The following GRIK2 variants were observed in gnomAD, a reference collection of about 807,000 sequenced individuals.
The protein encoded by GRIK2 is glutamate receptor ionotropic, kainate 2.
A neutral mutation model predicts 100.3 loss-of-function variants in GRIK2; 32 were observed. The observed-to-expected ratio is 0.32, with a 90% confidence interval of 0.24 to 0.43. The LOEUF (loss-of-function observed/expected upper bound fraction) is 0.43, where lower values mean the gene tolerates loss of function less well. Ranked by LOEUF, GRIK2 falls within the 20% of genes least tolerant of loss-of-function variation. The pLI is 1.00. For missense variants in GRIK2, 843 were observed against 1,114.9 expected (o/e 0.76, Z 3.47); for synonymous variants, 417 against 389.4 (o/e 1.07, Z -0.83).
chr6:101,498,503 A>G (rs1169949770), intron 2 of GRIK2, among the ~76,000 whole-genome samples: 2 of 150,172 alleles, frequency 1.3e-5, no homozygotes, highest in East Asian at 2.0e-4. Context: ...AAGTGTTCCT[A>G]TTTCTCCACA....
intron 14 of GRIK2, among the ~76,000 whole-genome samples, chr6:102,016,524 T>TATA (rs530936926): frequency 1.4e-5 from 2 of 146,800 alleles, no homozygotes; most frequent in Non-Finnish European, 3.0e-5. Flanking sequence ...AAACTTAAAG[T>TATA]ATAATAATAA....
intron 15 of GRIK2, among the ~76,000 whole-genome samples, chr6:102,046,611 CTA>C (rs1394816303): frequency 1.3e-5 from 2 of 152,154 alleles, no homozygotes; most frequent in Non-Finnish European, 2.9e-5. Flanking sequence ...GCCTTCAGAA[CTA>C]TGAGTCAATT....
intron 2 of GRIK2, among the ~76,000 whole-genome samples, chr6:101,571,873 A>G (rs1777551745): frequency 6.6e-6 from 1 of 152,172 alleles, no homozygotes; most frequent in South Asian, 2.1e-4. Flanking sequence ...ACCATGCAGA[A>G]CATATCTGTA....
At chr6:101,948,158 TA>T (rs1267881238) in intron 14 of GRIK2, among the ~76,000 whole-genome samples, 1 of 152,116 alleles carries the variant, frequency 6.6e-6, no homozygotes, top group Non-Finnish European at 1.5e-5. Context: ...ACATTATTTT[TA>T]AATACAAGAA....
chr6:101,477,305 G>A (rs1169314095), intron 2 of GRIK2, among the ~76,000 whole-genome samples: 1 of 152,164 alleles, frequency 6.6e-6, no homozygotes, highest in African/African-American at 2.4e-5. Flanking sequence ...GTATGTTGGT[G>A]TTAGGGAGAA....
chr6:101,450,054 C>T (rs1770590025), intron 2 of GRIK2, among the ~76,000 whole-genome samples: 1 of 151,692 alleles, frequency 6.6e-6, no homozygotes, highest in African/African-American at 2.4e-5. Flanking sequence ...ACATTGACTA[C>T]TTGACTCCAA....
chr6:101,985,281 A>G (rs991679314), intron 14 of GRIK2, among the ~76,000 whole-genome samples: 10 of 151,898 alleles, frequency 6.6e-5, no homozygotes, highest in African/African-American at 1.9e-4. Context: ...ATGCTGTTAC[A>G]TCATTAAAGG....
intron 2 of GRIK2, among the ~76,000 whole-genome samples, chr6:101,596,444 T>G (rs1016091261): frequency 6.6e-6 from 1 of 151,648 alleles, no homozygotes; most frequent in Non-Finnish European, 1.5e-5. Flanking sequence ...TCCTGTGAGA[T>G]CACAACAACT....
intron 2 of GRIK2, among the ~76,000 whole-genome samples, chr6:101,449,571 TGAA>T (rs1281608642): frequency 6.6e-6 from 1 of 151,754 alleles, no homozygotes; most frequent in Non-Finnish European, 1.5e-5. Flanking sequence ...TTAGGTTTGA[TGAA>T]GAAGTGGATA....
intron 2 of GRIK2, among the ~76,000 whole-genome samples, chr6:101,462,770 C>T (rs1771398740): frequency 6.6e-6 from 1 of 152,148 alleles, no homozygotes; most frequent in Non-Finnish European, 1.5e-5. Flanking sequence ...ACATTCAGCC[C>T]TGATTGCTCA....
At chr6:101,704,585 T>C (rs1280798370) in intron 7 of GRIK2, among the ~76,000 whole-genome samples, 1 of 151,794 alleles carries the variant, frequency 6.6e-6, no homozygotes, top group Admixed American at 6.6e-5. Flanking sequence ...TATTTAGACT[T>C]ATTTGTTTAA....
intron 2 of GRIK2, among the ~76,000 whole-genome samples, chr6:101,424,827 T>G (rs1380405660): frequency 6.6e-6 from 1 of 151,924 alleles, no homozygotes; most frequent in African/African-American, 2.4e-5. Flanking sequence ...TTTGGTTTTT[T>G]GTCCTTGCGA....
At chr6:101,794,847 G>A (rs529954438) in intron 7 of GRIK2, among the ~76,000 whole-genome samples, 6 of 149,846 alleles carry the variant, frequency 4.0e-5, no homozygotes, top group African/African-American at 1.5e-4. Flanking sequence ...CACATTTTGT[G>A]TAATAGTTGC....
At chr6:101,895,740 CCATAA>C (rs1221204705) in intron 12 of GRIK2, among the ~76,000 whole-genome samples, 3 of 151,708 alleles carry the variant, frequency 2.0e-5, no homozygotes, top group Non-Finnish European at 4.4e-5. Context: ...TTTTAACTTT[CCATAA>C]CATAACTTTA....
chr6:102,000,724 AC>A (rs1378491836), intron 14 of GRIK2, among the ~76,000 whole-genome samples: 4 of 152,118 alleles, frequency 2.6e-5, no homozygotes, highest in African/African-American at 9.7e-5. Flanking sequence ...TGTAAAATCT[AC>A]AATGGTGTCA....
At chr6:101,778,243 T>G (rs1562378041) in intron 7 of GRIK2, among the ~76,000 whole-genome samples, 1 of 152,174 alleles carries the variant, frequency 6.6e-6, no homozygotes, top group South Asian at 2.1e-4. Flanking sequence ...AAATTAGTGA[T>G]GTTTAATTTG....
chr6:101,759,098 A>G (rs1777320613), intron 7 of GRIK2, among the ~76,000 whole-genome samples: 1 of 152,194 alleles, frequency 6.6e-6, no homozygotes, highest in Non-Finnish European at 1.5e-5. Flanking sequence ...TCATTTTTGC[A>G]TATCAAGTAG....
At chr6:102,045,053 T>A (rs532380638) in intron 15 of GRIK2, among the ~76,000 whole-genome samples, 1 of 152,164 alleles carries the variant, frequency 6.6e-6, no homozygotes, top group East Asian at 1.9e-4. Context: ...GGACCATAAA[T>A]GAATCAATTT....
intron 7 of GRIK2, among the ~76,000 whole-genome samples, chr6:101,727,684 G>T (rs1774969364): frequency 6.6e-6 from 1 of 152,014 alleles, no homozygotes; most frequent in Admixed American, 6.6e-5. Context: ...GCTATAATTA[G>T]GGTGCAGTCC....
Sources: allele counts gnomAD v4.1 joint callset (sites outside exome capture counted in the v4.1 genomes callset), GRCh38; gene constraint gnomAD v4.1.1; transcripts MANE v1.5; gene names NCBI Gene and HGNC (gene_info 2026-07-23, HGNC 2026-07-21).